VTI1A: variants seen among roughly 807,000 people sequenced by gnomAD.
VTI1A encodes the protein vesicle transport through interaction with t-SNAREs 1A, also known as vesicle transport through interaction with t-SNAREs homolog 1A.
A neutral mutation model predicts 34.9 loss-of-function variants in VTI1A; 22 were observed. The observed-to-expected ratio is 0.63, with a 90% CI of 0.45 to 0.90. VTI1A has a LOEUF of 0.90. Ranked by LOEUF, VTI1A falls within the 40% of genes least tolerant of loss-of-function variation. VTI1A has a pLI of 0.00. For synonymous variants in VTI1A, 87 were observed against 97.3 expected (o/e 0.89, Z 0.62); for missense variants, 268 against 275.6 (o/e 0.97, Z 0.20).
the VTI1A span, among the ~76,000 whole-genome samples, chr10:112,835,980 A>C: frequency 6.6e-6 from 1 of 152,238 alleles, no homozygotes; most frequent in Non-Finnish European, 1.5e-5. Context: ...CCCATTGATC[A>C]AAAACAGCAG....
chr10:112,803,404 G>A (rs1279834495), intron 7 of VTI1A, among the ~76,000 whole-genome samples: 1 of 152,180 alleles, frequency 6.6e-6, no homozygotes, highest in Admixed American at 6.5e-5. Context: ...GTTTGGGTTG[G>A]GCTCATTAAG....
intron 7 of VTI1A, among the ~76,000 whole-genome samples, chr10:112,675,942 A>C (rs947059642): frequency 6.6e-6 from 1 of 152,164 alleles, no homozygotes; most frequent in African/African-American, 2.4e-5. Flanking sequence ...AGTCTTTACT[A>C]TGGAAATTTT....
chr10:112,464,015 G>T (rs979016808), intron 2 of VTI1A, among the ~76,000 whole-genome samples: 1 of 152,160 alleles, frequency 6.6e-6, no homozygotes, highest in African/African-American at 2.4e-5. Context: ...TTATTTTTGA[G>T]ATGGAGTCTT....
chr10:112,823,292 C>T (rs1201621055), downstream of VTI1A, among the ~76,000 whole-genome samples: 2 of 152,140 alleles, frequency 1.3e-5, no homozygotes, highest in South Asian at 2.1e-4. Flanking sequence ...CTGTTTAGAT[C>T]GGGGCCGACT....
chr10:112,819,756 A>C (rs1853617294), downstream of VTI1A, among the ~76,000 whole-genome samples: 1 of 152,144 alleles, frequency 6.6e-6, no homozygotes, highest in African/African-American at 2.4e-5. Flanking sequence ...CTAAATCGGA[A>C]GTCAGTGGCC....
intron 3 of VTI1A, among the ~76,000 whole-genome samples, chr10:112,500,352 T>G (rs1343402473): frequency 4.6e-5 from 7 of 151,774 alleles, no homozygotes; most frequent in South Asian, 2.1e-4. Context: ...GGAGAATTGC[T>G]TGAACCCAGG....
the VTI1A span, among the ~76,000 whole-genome samples, chr10:112,833,869 AT>A: frequency 3.6e-4 from 54 of 152,084 alleles, no homozygotes; most frequent in African/African-American, 1.2e-3. Context: ...CAAATTAAGC[AT>A]TGTTCAAAGG....
chr10:112,510,939 T>G (rs1199509401), intron 3 of VTI1A, among the ~76,000 whole-genome samples: 2 of 152,230 alleles, frequency 1.3e-5, no homozygotes, highest in Non-Finnish European at 2.9e-5. Context: ...GGAATCATGG[T>G]CTTATGTTTT....
chr10:112,579,040 A>T (rs1213560115), intron 5 of VTI1A, among the ~76,000 whole-genome samples: 1 of 152,150 alleles, frequency 6.6e-6, no homozygotes, highest in Non-Finnish European at 1.5e-5. Context: ...CATCTGAAAA[A>T]CCTTACTTTC....
At chr10:112,474,406 G>A (rs1439081775) in intron 3 of VTI1A, among the ~76,000 whole-genome samples, 2 of 151,140 alleles carry the variant, frequency 1.3e-5, no homozygotes, top group Non-Finnish European at 2.9e-5. Context: ...ATGTGCATGT[G>A]CATGCCCATT....
At chr10:112,538,176 T>C (rs1850719836) in intron 4 of VTI1A, 70 bp from the exon 5 acceptor site, 1 of 1,438,282 alleles carries the variant, frequency 7.0e-7, no homozygotes, top group East Asian at 2.3e-5. Flanking sequence ...AAGGCATTTT[T>C]TTTTTAAGGC....
chr10:112,561,596 A>G (rs1455040110), intron 5 of VTI1A, among the ~76,000 whole-genome samples: 1 of 152,210 alleles, frequency 6.6e-6, no homozygotes, highest in Non-Finnish European at 1.5e-5. Context: ...GTTCATAACA[A>G]TGATTTCTGA....
At chr10:112,660,765 A>C (rs1449789537) in intron 5 of VTI1A, among the ~76,000 whole-genome samples, 1 of 152,154 alleles carries the variant, frequency 6.6e-6, no homozygotes, top group Non-Finnish European at 1.5e-5. Flanking sequence ...CTCAGAAATT[A>C]AGGTTTTTAT....
chr10:112,783,821 T>C (rs964809512), intron 7 of VTI1A, among the ~76,000 whole-genome samples: 10 of 152,228 alleles, frequency 6.6e-5, no homozygotes, highest in Non-Finnish European at 1.2e-4. Flanking sequence ...GATTCCAGCA[T>C]GTGCTGCTGG....
At chr10:112,544,476 C>T (rs1850996238) in intron 5 of VTI1A, among the ~76,000 whole-genome samples, 1 of 152,178 alleles carries the variant, frequency 6.6e-6, no homozygotes, top group South Asian at 2.1e-4. Context: ...GCTGGGATTA[C>T]AGGTGTGATC....
intron 5 of VTI1A, among the ~76,000 whole-genome samples, chr10:112,587,613 A>G (rs1844211481): frequency 6.6e-6 from 1 of 152,194 alleles, no homozygotes; most frequent in African/African-American, 2.4e-5. Context: ...ATTTACTACT[A>G]TTTAAGTTGC....
chr10:112,591,584 T>C (rs1306659582), intron 5 of VTI1A, among the ~76,000 whole-genome samples: 3 of 152,186 alleles, frequency 2.0e-5, no homozygotes, highest in African/African-American at 4.8e-5. Flanking sequence ...TACTGTTTAA[T>C]TGTTTTATAC....
At chr10:112,513,295 C>G (rs1358854931) in intron 3 of VTI1A, among the ~76,000 whole-genome samples, 3 of 151,790 alleles carry the variant, frequency 2.0e-5, no homozygotes, top group African/African-American at 7.3e-5. Flanking sequence ...TTTTTTGTTG[C>G]TATTGCAAAT....
At chr10:112,685,010 T>A (rs988896643) in intron 7 of VTI1A, among the ~76,000 whole-genome samples, 1 of 152,174 alleles carries the variant, frequency 6.6e-6, no homozygotes, top group African/African-American at 2.4e-5. Flanking sequence ...TGTTTCAGAA[T>A]AGCAGAAAAA....
Sources: gnomAD v4.1 joint callset for allele counts (sites outside exome capture counted in the v4.1 genomes callset) on GRCh38, gnomAD v4.1.1 for gene constraint, MANE v1.5 for transcripts, NCBI Gene and HGNC (gene_info 2026-07-23, HGNC 2026-07-21) for gene names.